The following AFAP1 variants were observed in gnomAD, a reference collection of about 807,000 sequenced individuals.
AFAP1 encodes the protein actin filament-associated protein 1.
A neutral mutation model predicts 93.9 loss-of-function variants in AFAP1; 75 were observed. That is an observed-to-expected ratio of 0.80 (90% CI 0.66 to 0.97). The LOEUF (loss-of-function observed/expected upper bound fraction) is 0.97. Among genes scored for constraint, AFAP1 ranks in the 50% least tolerant of loss-of-function variants. The pLI is 0.00. For missense variants in AFAP1, 1,201 were observed against 1,050.8 expected (o/e 1.14, Z -1.98); for synonymous variants, 517 against 430.7 (o/e 1.20, Z -2.48).
rs189515214 is a variant in AFAP1, at chr4:7,814,494, C to T, written c.904+1524G>A. 2.0e-3 allele frequency among the ~76,000 whole-genome samples: 299 copies of T among 152,302 alleles called. 2 individuals are homozygous for T. The highest frequency in any genetic ancestry group is 5.1e-3 in the African/African-American group (214 of 41,566). Reference sequence around the variant, plus strand: ...GAATGCACAGAACAGATTTTTCAACCGTCGCTCCAAAGTGGAAACAGCTCA... The same window carrying T: ...GAATGCACAGAACAGATTTTTCAACTGTCGCTCCAAAGTGGAAACAGCTCA... On this transcript the variant is annotated intron_variant, in intron 8 of 17. Transcript: ENST00000420658.
intron 6 of AFAP1, among the ~76,000 whole-genome samples, chr4:7,836,114 G>A (rs999007833): frequency 1.3e-5 from 2 of 151,946 alleles, no homozygotes; most frequent in African/African-American, 4.8e-5. Context: ...AAATCAAAGT[G>A]GATCAAAAAT....
At chr4:7,878,163 C>A (rs1717624936) in intron 1 of AFAP1, among the ~76,000 whole-genome samples, 1 of 152,132 alleles carries the variant, frequency 6.6e-6, no homozygotes, top group Non-Finnish European at 1.5e-5. Flanking sequence ...GGGTAATAAC[C>A]AACACACACT....
At chr4:7,803,581 T>G (rs1170027205) in intron 9 of AFAP1, among the ~76,000 whole-genome samples, 2 of 148,060 alleles carry the variant, frequency 1.4e-5, no homozygotes, top group Non-Finnish European at 3.0e-5. Context: ...CAAGAGGGCA[T>G]GGACTCTGCA....
chr4:7,934,499 ATAAATTCT>A (rs1721269876), intron 1 of AFAP1, among the ~76,000 whole-genome samples: 1 of 152,236 alleles, frequency 6.6e-6, no homozygotes, highest in African/African-American at 2.4e-5. Context: ...CACAGAAAAC[ATAAATTCT>A]TCGAGGACCA....
At chr4:7,864,949 G>C (rs535844376) in intron 3 of AFAP1, among the ~76,000 whole-genome samples, 42 of 152,174 alleles carry the variant, frequency 2.8e-4, no homozygotes, top group African/African-American at 9.4e-4. Context: ...CTGCACTCCA[G>C]CCTGGGCAAC....
intron 2 of AFAP1, among the ~76,000 whole-genome samples, chr4:7,870,137 T>C (rs1271691377): frequency 6.6e-6 from 1 of 152,216 alleles, no homozygotes; most frequent in Non-Finnish European, 1.5e-5. Flanking sequence ...GCCCTTTTTA[T>C]ACACGGAGGA....
chr4:7,764,422 T>C (rs1188120752), intron 17 of AFAP1, among the ~76,000 whole-genome samples: 1 of 151,914 alleles, frequency 6.6e-6, no homozygotes, highest in Non-Finnish European at 1.5e-5. Context: ...ATAGTGGGTA[T>C]CAAGGGCTGG....
chr4:7,904,539 G>T (rs1054942444), intron 1 of AFAP1, among the ~76,000 whole-genome samples: 1 of 152,086 alleles, frequency 6.6e-6, no homozygotes, highest in Non-Finnish European at 1.5e-5. Context: ...TCTAGTTCTC[G>T]CTGAAATCCT....
chr4:7,923,786 C>T (rs1187099804), intron 1 of AFAP1, among the ~76,000 whole-genome samples: 1 of 152,158 alleles, frequency 6.6e-6, no homozygotes, highest in Non-Finnish European at 1.5e-5. Context: ...CTTCTAAGGC[C>T]ACTGATCCTG....
intron 1 of AFAP1, among the ~76,000 whole-genome samples, chr4:7,873,581 C>G (rs534385784): frequency 4.8e-4 from 73 of 151,992 alleles, no homozygotes; most frequent in African/African-American, 1.6e-3. Context: ...ATCTCCTGAC[C>G]TCGTGATCCA....
intron 4 of AFAP1, among the ~76,000 whole-genome samples, chr4:7,854,884 G>A (rs1184285360): frequency 2.6e-5 from 4 of 152,174 alleles, no homozygotes; most frequent in African/African-American, 4.8e-5. Context: ...TGCTTCATCC[G>A]CACTTGAAGC....
In AFAP1 at chr4:7,774,640, C is replaced by G. The variant is rs971609174; in HGVS notation, c.2062+99G>C. 4.8e-6 allele frequency: 7 copies of G among 1,472,618 alleles called. No individual in the cohort carries two copies. The Admixed American group carries it at 1.4e-4, about 30-fold the overall frequency. 91.2% of individuals were successfully genotyped at this position (1,472,618 alleles called of 1,614,324 possible). A position where few individuals can be genotyped will look rare whatever the true frequency, so the allele number is the denominator to read the frequency against. ...AACCCACTCTTACTAAATAAAATGA[C>G]AGCCTTGGTGAGCAATAGGTCCTTT... On this transcript the variant is annotated intron_variant, in intron 15 of 17. Transcript: ENST00000420658.
In AFAP1 at chr4:7,809,669, T is replaced by C. The variant is rs373990939; in HGVS notation, c.999A>G (p.Lys333=). ...KITKIISLGK[K]KPSTDEQTSS... is the part of the protein sequence containing the mutation. ...AGGTCTGCTCGTCTGTGGACGGCTT[T>C]TTCTTTCCCAGACTGATGATCTTGG... Residue 333 remains lysine (K), a synonymous_variant, in exon 9 of 18, where the codon AAA becomes AAG. Coordinates refer to ENST00000420658, the MANE Select transcript of AFAP1 (RefSeq NM_001134647.2). The C allele has an allele frequency of 6.2e-7, 1 of 1,614,198 alleles. No individual in the cohort carries two copies. Among genetic ancestry groups the C allele is most frequent in the Non-Finnish European group, 8.5e-7 (1 of 1,180,024 alleles).
At chr4:7,832,644 A>C (rs1387258935) in intron 6 of AFAP1, among the ~76,000 whole-genome samples, 1 of 143,818 alleles carries the variant, frequency 7.0e-6, no homozygotes, top group Non-Finnish European at 1.5e-5. Flanking sequence ...ACAGAACTAG[A>C]AAAAACAATC....
chr4:7,871,965 T>C lies in AFAP1; in HGVS notation c.114A>G (p.Ile38Met). The C allele has an allele frequency of 1.2e-6, 2 of 1,614,224 alleles. No homozygotes were observed. Among genetic ancestry groups the C allele is most frequent in the Admixed American group, 1.7e-5 (1 of 60,026 alleles). ...KAVITNILLR[I>M]QSSKGFDVKD... ...AATGAGACTCACCTTTGGATGACTG[T>C]ATTCTTAGCAGAATGTTGGTTATCA... Residue 38 changes from isoleucine (I) to methionine (M), a missense_variant, in exon 2 of 18, where the codon ATA becomes ATG. Physicochemically the swap from Ile to Met is conservative, Grantham distance 10 (BLOSUM62 1). Transcript: ENST00000420658.
intron 1 of AFAP1, among the ~76,000 whole-genome samples, chr4:7,912,523 G>C: frequency 6.6e-6 from 1 of 152,128 alleles, no homozygotes; most frequent in East Asian, 1.9e-4. Flanking sequence ...TGTGGCTTTA[G>C]CGTGCATTTT....
At chr4:7,783,547 G>A (rs1716982027) in intron 12 of AFAP1, among the ~76,000 whole-genome samples, 1 of 152,222 alleles carries the variant, frequency 6.6e-6, no homozygotes. Context: ...CTGGGCAGAG[G>A]AAGGCCTAAT....
chr4:7,827,391 G>A (rs1279937323), intron 6 of AFAP1, among the ~76,000 whole-genome samples: 1 of 151,732 alleles, frequency 6.6e-6, no homozygotes, highest in East Asian at 1.9e-4. Flanking sequence ...GACCAACATA[G>A]AGAAACCCCG....
chr4:7,817,473 C>A (rs1406394081), intron 7 of AFAP1, among the ~76,000 whole-genome samples: 1 of 152,094 alleles, frequency 6.6e-6, no homozygotes, highest in Non-Finnish European at 1.5e-5. Flanking sequence ...TTGGTGGAAT[C>A]CCAGTTACTC....
Sources: gnomAD v4.1 joint callset for allele counts (sites outside exome capture counted in the v4.1 genomes callset) on GRCh38, gnomAD v4.1.1 for gene constraint, MANE v1.5 for transcripts, NCBI Gene and HGNC (gene_info 2026-07-23, HGNC 2026-07-21) for gene names.